The following USP53 variants were observed in gnomAD, a reference collection of about 807,000 sequenced individuals.
USP53 encodes the protein ubiquitin specific peptidase 53.
USP53 carries 71 observed loss-of-function variants against 94.9 expected under a neutral mutation model. That is an observed-to-expected ratio of 0.75 (90% CI 0.62 to 0.91). USP53 has a LOEUF of 0.91. Among genes scored for constraint, USP53 ranks in the 40% least tolerant of loss-of-function variants. The pLI, the probability that USP53 is intolerant of heterozygous loss-of-function variation, is 0.00. For synonymous variants in USP53, 375 were observed against 422.7 expected (o/e 0.89, Z 1.39); for missense variants, 1,173 against 1,281.0 (o/e 0.92, Z 1.29).
In USP53 at chr4:119,249,626, A is replaced by G. The variant is rs144611774; in HGVS notation, c.372+744A>G. Among the ~76,000 whole-genome samples the G allele has an allele frequency of 2.1e-5, 3 of 143,150 alleles. No homozygotes were observed. The East Asian group carries it at 6.2e-4, about 29-fold the overall frequency. The allele number at this position is 143,150 out of a possible 152,430, so 93.9% of individuals were successfully genotyped here. ...CCAGTTCAGTATATTTAAGCCTCCT[A>G]TTGGTGTCCATTCAACCTGTTTATT... On this transcript the variant is annotated intron_variant, in intron 7 of 18. Transcript: ENST00000692078.
intron 5 of USP53, among the ~76,000 whole-genome samples, chr4:119,240,541 G>A (rs1165285871): frequency 6.6e-6 from 1 of 152,102 alleles, no homozygotes; most frequent in Admixed American, 6.6e-5. Context: ...TCTGACCATT[G>A]TAGAGTACTA....
At chr4:119,224,803 G>A (rs1745024784) in intron 3 of USP53, among the ~76,000 whole-genome samples, 1 of 152,194 alleles carries the variant, frequency 6.6e-6, no homozygotes, top group African/African-American at 2.4e-5. Context: ...ATAGCAGACT[G>A]TGTGGGATTT....
intron 17 of USP53, among the ~76,000 whole-genome samples, chr4:119,275,653 A>C (rs1435951151): frequency 6.6e-6 from 1 of 151,996 alleles, no homozygotes; most frequent in Non-Finnish European, 1.5e-5. Context: ...TGGTAGCTTG[A>C]TGGGGATAGC....
chr4:119,290,965 G>A (rs1754688427), intron 17 of USP53, among the ~76,000 whole-genome samples, 200 bp from the exon 18 acceptor site: 1 of 152,060 alleles, frequency 6.6e-6, no homozygotes. Context: ...ATAAACTGAA[G>A]AAATTTTGCA....
chr4:119,272,908 A>G (rs1454223220), intron 16 of USP53: 1 of 152,190 alleles, frequency 6.6e-6, no homozygotes, highest in Non-Finnish European at 1.5e-5. Flanking sequence ...CCTTCTAACA[A>G]TGTGTTTGTT....
chr4:119,226,111 A>T (rs1253206480), intron 3 of USP53, among the ~76,000 whole-genome samples: 1 of 152,226 alleles, frequency 6.6e-6, no homozygotes, highest in South Asian at 2.1e-4. Flanking sequence ...AATTTTGACA[A>T]AATTCAACAA....
rs142418489 is a variant in USP53, at chr4:119,237,966, T to G, written c.-542-1252T>G. 2.7e-4 allele frequency among the ~76,000 whole-genome samples: 41 copies of G among 152,326 alleles called. 1 individual carries two copies. In the East Asian group the frequency reaches 7.9e-3, roughly 29 times the overall value. On this transcript the variant is annotated intron_variant, in intron 4 of 18. Coordinates refer to ENST00000692078, the MANE Select transcript of USP53 (RefSeq NM_001371395.1). Reference sequence around the variant, plus strand: ...CAGCTTTCGTAGAATTAAAGAGCGTTAGGGCCTTGCTCTGGATTGGGCTTT... The same window carrying G: ...CAGCTTTCGTAGAATTAAAGAGCGTGAGGGCCTTGCTCTGGATTGGGCTTT...
In USP53 at chr4:119,292,389, A is replaced by G; in HGVS notation, c.2400A>G (p.Gln800=). 6.2e-7 allele frequency: 1 copy of G among 1,612,724 alleles called. No homozygotes were observed. ...NGKLFPSSSL[Q]IPKDHNAREH... is the part of the protein sequence containing the mutation. The stretch of plus-strand genomic sequence containing the variant: ...AGTTATTTCCTTCATCCAGTCTACA[A>G]ATACCCAAGGACCATAATGCAAGAG... The change falls in exon 19 of 19, where the codon CAA becomes CAG. Residue 800 remains glutamine (Q), a synonymous_variant. Coordinates refer to ENST00000692078, the MANE Select transcript of USP53 (RefSeq NM_001371395.1).
intron 3 of USP53, among the ~76,000 whole-genome samples, chr4:119,233,927 G>C (rs921694022): frequency 6.6e-6 from 1 of 152,082 alleles, no homozygotes; most frequent in Non-Finnish European, 1.5e-5. Flanking sequence ...GGGCTGATTC[G>C]GGGTGATGCA....
chr4:119,241,792 A>T (rs1418381924), intron 5 of USP53, among the ~76,000 whole-genome samples: 2 of 152,088 alleles, frequency 1.3e-5, no homozygotes, highest in African/African-American at 4.8e-5. Flanking sequence ...TCTTCAAATA[A>T]TTTTTCTGTC....
Position 119,268,392 on chromosome 4 carries a change from C to T in USP53, c.1260C>T (p.His420=), listed in dbSNP as rs1751448341. Residue 420 remains histidine (H), a synonymous_variant, in exon 14 of 19, where the codon CAC becomes CAT. Coordinates refer to ENST00000692078, the MANE Select transcript of USP53 (RefSeq NM_001371395.1). The part of the protein sequence containing the change: ...TDNISSSNRS[H]SHTGVGKGPA... ...ATATTTCATCATCTAATCGGAGCCA[C>T]AGTCACACAGGTGTAGGGAAAGGAC... is the stretch of plus-strand genomic sequence containing the variant. 1 of 1,613,660 alleles carries T rather than the reference C, an allele frequency of 6.2e-7. No homozygotes were observed. The highest frequency in any genetic ancestry group is 1.3e-5 in the African/African-American group (1 of 74,882).
Position 119,271,858 on chromosome 4 carries a change from T to TAAAG in USP53, c.1999_2002dup (p.Gly668GlufsTer7). Reference sequence around the variant, plus strand: ...CTAATGGAAAAGGAGCAGAGAAAAATAAAGGCCTTGTAGAGGGTAAAGTGC... The same window carrying TAAAG: ...CTAATGGAAAAGGAGCAGAGAAAAATAAAGAAAGGCCTTGTAGAGGGTAAAGTGC... On this transcript the variant is annotated frameshift_variant, in exon 16 of 19. Coordinates refer to ENST00000692078, the MANE Select transcript of USP53 (RefSeq NM_001371395.1). LOFTEE classifies it high-confidence loss of function. 4.3e-6 allele frequency: 7 copies of TAAAG among 1,612,968 alleles called. No individual in the cohort carries two copies. Among genetic ancestry groups the TAAAG allele is most frequent in the Non-Finnish European group, 5.9e-6 (7 of 1,179,778 alleles).
intron 13 of USP53, 138 bp downstream of exon 13, chr4:119,267,620 T>A (rs370308581): frequency 2.9e-6 from 3 of 1,030,344 alleles, no homozygotes; most frequent in South Asian, 3.9e-5. Context: ...ATTTTAGTAA[T>A]TTTTGTTAGT....
chr4:119,279,098 G>A (rs1164654879), intron 17 of USP53, among the ~76,000 whole-genome samples: 23 of 147,952 alleles, frequency 1.6e-4, no homozygotes, highest in East Asian at 1.2e-3. Flanking sequence ...TCTTCTCTCA[G>A]CTCGTCAAAG....
At chr4:119,258,172 G>T (rs916404463) in intron 9 of USP53, among the ~76,000 whole-genome samples, 1 of 152,146 alleles carries the variant, frequency 6.6e-6, no homozygotes, top group African/African-American at 2.4e-5. Context: ...CTAGTAAGTG[G>T]ATGAATTAAG....
chr4:119,282,935 T>A (rs1753671204), intron 17 of USP53, among the ~76,000 whole-genome samples: 1 of 152,024 alleles, frequency 6.6e-6, no homozygotes, highest in South Asian at 2.1e-4. Context: ...TACTTTCATA[T>A]TTTCTTGACA....
At chr4:119,227,256 T>TATACACACAC (rs1376598406) in intron 3 of USP53, among the ~76,000 whole-genome samples, 37 of 125,126 alleles carry the variant, frequency 3.0e-4, no homozygotes, top group African/African-American at 7.0e-4. Flanking sequence ...TGTCTAACAC[T>TATACACACAC]ACACACACAC....
At chr4:119,254,695 A>G (rs1561263268) in intron 7 of USP53, among the ~76,000 whole-genome samples, 1 of 152,010 alleles carries the variant, frequency 6.6e-6, no homozygotes, top group African/African-American at 2.4e-5. Context: ...GAAGTTTGTT[A>G]TTACTGACCT....
At chr4:119,248,511 G>C (rs968380385) in intron 6 of USP53, among the ~76,000 whole-genome samples, 1 of 150,738 alleles carries the variant, frequency 6.6e-6, no homozygotes, top group Admixed American at 6.6e-5. Context: ...CTGAGGGTGG[G>C]ACCTGGGAAC....
Sources: allele counts gnomAD v4.1 joint callset (sites outside exome capture counted in the v4.1 genomes callset), GRCh38; gene constraint gnomAD v4.1.1; transcripts MANE v1.5; gene names NCBI Gene and HGNC (gene_info 2026-07-23, HGNC 2026-07-21).